RHPN2: variants seen among roughly 807,000 people sequenced by gnomAD.
RHPN2 encodes the protein rhophilin Rho GTPase binding protein 2, also known as rhophilin-2.
In RHPN2, 40 loss-of-function variants were observed where a neutral mutation model predicts 79.0. The observed-to-expected ratio is 0.51, with a 90% confidence interval of 0.39 to 0.66. The LOEUF is 0.66. Among genes scored for constraint, RHPN2 ranks in the 30% least tolerant of loss-of-function variants. RHPN2 has a pLI of 0.00. For synonymous variants in RHPN2, 285 were observed against 363.5 expected (o/e 0.78, Z 2.46); for missense variants, 686 against 883.5 (o/e 0.78, Z 2.83).
Position 33,044,283 on chromosome 19 carries a change from CG to C in RHPN2, c.150del (p.Val51CysfsTer3). The C allele has an allele frequency of 6.2e-7, 1 of 1,614,026 alleles. No homozygotes were observed. The highest frequency in any genetic ancestry group is 8.5e-7 in the Non-Finnish European group (1 of 1,180,002). On this transcript the variant is annotated frameshift_variant, in exon 2 of 15. Transcript: ENST00000254260. LOFTEE classifies it high-confidence loss of function. The part of the protein sequence containing the change: ...RAALNQQILK[A>X]VRMRTGAENL... ...TTTTCCGCTCCGGTCCTCATCCGCA[CG>C]GCTTTCAGGATCTGCTGATTCAAAG... is the stretch of plus-strand genomic sequence containing the variant.
At chr19:33,050,782 G>A (rs1019751505) in intron 1 of RHPN2, among the ~76,000 whole-genome samples, 9 of 152,104 alleles carry the variant, frequency 5.9e-5, no homozygotes, top group Non-Finnish European at 1.3e-4. Flanking sequence ...GGGCTCAAGC[G>A]ATTCTCCTGC....
rs761251566 is a variant in RHPN2, at chr19:33,008,002, G to A, written c.760+12C>T. ...CCAAGGCTCCGTCTGGTCAGCCCTGGAGGAGACATACCTGCGGCTCTCTGA... is the reference window on the plus strand; with the variant it reads ...CCAAGGCTCCGTCTGGTCAGCCCTGAAGGAGACATACCTGCGGCTCTCTGA... On this transcript the variant is annotated intron_variant, in intron 7 of 14. Transcript: ENST00000254260. 116 of 1,611,844 alleles carry A rather than the reference G, an allele frequency of 7.2e-5. No homozygotes were observed. The highest frequency in any genetic ancestry group is 9.0e-5 in the Non-Finnish European group (106 of 1,179,860).
At chr19:33,034,625 A>AAAAAG (rs1972041351) in intron 2 of RHPN2, among the ~76,000 whole-genome samples, 1 of 140,056 alleles carries the variant, frequency 7.1e-6, no homozygotes, top group African/African-American at 2.5e-5. Flanking sequence ...AAAAAAAAAT[A>AAAAAG]CAAAAGTTAG....
At chr19:33,034,321 G>A in intron 2 of RHPN2, among the ~76,000 whole-genome samples, 1 of 140,500 alleles carries the variant, frequency 7.1e-6, no homozygotes. Context: ...AAATACAAAA[G>A]TTGGCCGGGC....
At chr19:33,007,375 T>C (rs984063555) in intron 7 of RHPN2, among the ~76,000 whole-genome samples, 3 of 151,820 alleles carry the variant, frequency 2.0e-5, no homozygotes, top group Non-Finnish European at 4.4e-5. Flanking sequence ...TAATCCCAGC[T>C]ACTCAGGAGG....
chr19:33,005,337 CG>C (rs1971781497), intron 7 of RHPN2, among the ~76,000 whole-genome samples: 1 of 141,400 alleles, frequency 7.1e-6, no homozygotes, highest in African/African-American at 2.7e-5. Context: ...CACTTGAACC[CG>C]GGAAGCAGAG....
chr19:33,011,263 G>C (rs1599817217), intron 6 of RHPN2, among the ~76,000 whole-genome samples: 1 of 152,086 alleles, frequency 6.6e-6, no homozygotes, highest in East Asian at 1.9e-4. Context: ...ATCTATTTCT[G>C]TTTGGTGCTT....
intron 1 of RHPN2, among the ~76,000 whole-genome samples, chr19:33,045,084 G>A (rs985232891): frequency 7.3e-6 from 1 of 137,712 alleles, no homozygotes. Context: ...ATGGAGTCTC[G>A]CTGCGTGCCT....
chr19:33,044,303 T>A lies in RHPN2; in HGVS notation c.131A>T (p.Asn44Ile). The A allele has an allele frequency of 1.2e-6, 2 of 1,614,128 alleles. No homozygotes were observed. Among genetic ancestry groups the A allele is most frequent in the Admixed American group, 1.7e-5 (1 of 59,990 alleles). Residue 44 changes from asparagine (N) to isoleucine (I), a missense_variant, in exon 2 of 15, where the codon AAT becomes ATT. Asn to Ile is a moderately radical substitution (Grantham distance 149). Coordinates refer to ENST00000254260, the MANE Select transcript of RHPN2 (RefSeq NM_033103.5). The part of the protein sequence containing the change: ...SKLQNQRAAL[N>I]QQILKAVRMR... The stretch of plus-strand genomic sequence containing the variant: ...CCGCACGGCTTTCAGGATCTGCTGA[T>A]TCAAAGCAGCTCTTTGATTCTGCAA...
At position 32,979,326 on chromosome 19, in the gene RHPN2, G is replaced by C. The variant is rs1295151202; in HGVS notation, c.*670C>G. The C allele has an allele frequency of 6.6e-5, 10 of 152,622 alleles. No individual in the cohort carries two copies. Among genetic ancestry groups the C allele is most frequent in the African/African-American group, 2.4e-4 (10 of 41,398 alleles). The allele number at this position is 152,622 out of a possible 1,614,324, so 9.5% of individuals were successfully genotyped here. A position where few individuals can be genotyped will look rare whatever the true frequency, so the allele number is the denominator to read the frequency against. The stretch of plus-strand genomic sequence containing the variant: ...CAGTATATTATCTACCTTGTAGACA[G>C]CATCTTCATCTAACACTGCCACTGT... On this transcript the variant is annotated 3_prime_UTR_variant, in exon 15 of 15. Transcript: ENST00000254260.
chr19:33,019,031 CAAA>C (rs71301619), intron 4 of RHPN2, among the ~76,000 whole-genome samples: 80 of 105,352 alleles, frequency 7.6e-4, no homozygotes, highest in Non-Finnish European at 1.1e-3. Context: ...AACTCCAGCT[CAAA>C]AAAAAAAAAA....
intron 14 of RHPN2, among the ~76,000 whole-genome samples, chr19:32,988,768 C>A (rs571165667): frequency 6.6e-5 from 10 of 152,332 alleles, no homozygotes; most frequent in African/African-American, 2.2e-4. Context: ...TGGTCACTCT[C>A]ATGTCTGGTC....
intron 1 of RHPN2, among the ~76,000 whole-genome samples, chr19:33,064,517 G>C (rs1352035699): frequency 6.6e-6 from 1 of 152,152 alleles, no homozygotes; most frequent in Non-Finnish European, 1.5e-5. Context: ...ACCCCTCCAG[G>C]TCCTCCGCCC....
intron 1 of RHPN2, among the ~76,000 whole-genome samples, chr19:33,062,399 T>C (rs968244512): frequency 6.6e-6 from 1 of 151,050 alleles, no homozygotes; most frequent in Non-Finnish European, 1.5e-5. Context: ...TAGATGGAGG[T>C]TGCAGTGAGC....
At chr19:32,994,519 G>T (rs924925768) in intron 11 of RHPN2, among the ~76,000 whole-genome samples, 1 of 152,148 alleles carries the variant, frequency 6.6e-6, no homozygotes, top group Non-Finnish European at 1.5e-5. Flanking sequence ...GACCTAGGGT[G>T]AACTGTACCT....
chr19:33,002,928 A>G lies in RHPN2; in HGVS notation c.833T>C (p.Val278Ala), dbSNP rs756841869. ...SYDMSPAMLS[V>A]LVKMMLAQAQ... is the part of the protein sequence containing the mutation. ...TTGTGCAAGCATCATTTTGACGAGC[A>G]CGCTGAGCATGGCAGGGCTCATGTC... The change falls in exon 8 of 15, where the codon GTG (valine) becomes GCG (alanine). Residue 278 changes from valine (V) to alanine (A), a missense_variant. Physicochemically the swap from Val to Ala is moderately conservative, Grantham distance 64. Transcript: ENST00000254260. 1.2e-6 allele frequency: 2 copies of G among 1,613,970 alleles called. No homozygotes were observed. Among genetic ancestry groups the G allele is most frequent in the Non-Finnish European group, 1.7e-6 (2 of 1,179,866 alleles).
At position 33,021,699 on chromosome 19, in the gene RHPN2, C is replaced by T. The variant is rs536948967; in HGVS notation, c.315-53G>A. 3.6e-5 allele frequency: 51 copies of T among 1,415,270 alleles called. No individual in the cohort carries two copies. The East Asian group carries it at 6.9e-4, about 19-fold the overall frequency. The allele number at this position is 1,415,270 out of a possible 1,614,324, so 87.7% of individuals were successfully genotyped here. A position where few individuals can be genotyped will look rare whatever the true frequency, so the allele number is the denominator to read the frequency against. Reference sequence around the variant, plus strand: ...GAACACCCCCAACCGGACCCCTGTGCACCCCACGGCCTTGCCCTCAGCAGC... The same window carrying T: ...GAACACCCCCAACCGGACCCCTGTGTACCCCACGGCCTTGCCCTCAGCAGC... On this transcript the variant is annotated intron_variant, in intron 3 of 14. Transcript: ENST00000254260.
intron 6 of RHPN2, 25 bp downstream of exon 6, chr19:33,011,654 G>T: frequency 6.2e-7 from 1 of 1,613,924 alleles, no homozygotes; most frequent in South Asian, 1.1e-5. Flanking sequence ...CACGTGAAGC[G>T]CCAGCGCAGA....
At chr19:32,981,417 A>AAGGG (rs374714108) in intron 14 of RHPN2, among the ~76,000 whole-genome samples, 1 of 42,382 alleles carries the variant, frequency 2.4e-5, no homozygotes, top group Non-Finnish European at 4.0e-5. Flanking sequence ...ATAAAAAAAA[A>AAGGG]GGGGGGGGGC....
Sources: allele counts gnomAD v4.1 joint callset (sites outside exome capture counted in the v4.1 genomes callset), GRCh38; gene constraint gnomAD v4.1.1; transcripts MANE v1.5; gene names NCBI Gene and HGNC (gene_info 2026-07-23, HGNC 2026-07-21).